PIEZO2: variants seen among roughly 807,000 people sequenced by gnomAD.
PIEZO2 encodes the protein piezo-type mechanosensitive ion channel component 2.
PIEZO2 carries 172 observed loss-of-function variants against 337.3 expected under a neutral mutation model. That is an observed-to-expected ratio of 0.51 (90% CI 0.45 to 0.58). PIEZO2 has a LOEUF of 0.58. Among genes scored for constraint, PIEZO2 ranks in the 20% least tolerant of loss-of-function variants. The pLI is 0.00. For synonymous variants in PIEZO2, 1,251 were observed against 1,228.5 expected (o/e 1.02, Z -0.38); for missense variants, 3,028 against 3,391.3 (o/e 0.89, Z 2.66).
chr18:10,961,353 G>A (rs1414377143), intron 3 of PIEZO2, among the ~76,000 whole-genome samples: 1 of 152,128 alleles, frequency 6.6e-6, no homozygotes, highest in African/African-American at 2.4e-5. Flanking sequence ...ATATGTGGGA[G>A]TTAAGCTGTG....
intron 1 of PIEZO2, among the ~76,000 whole-genome samples, chr18:11,115,398 G>C (rs947038656): frequency 3.3e-5 from 5 of 152,112 alleles, no homozygotes; most frequent in Non-Finnish European, 7.4e-5. Context: ...ATTCTTCTGA[G>C]GTCATGAAGG....
chr18:11,118,054 C>T (rs1199491408), intron 1 of PIEZO2, among the ~76,000 whole-genome samples: 2 of 152,168 alleles, frequency 1.3e-5, no homozygotes, highest in African/African-American at 4.8e-5. Context: ...ATGTTTCCTT[C>T]AATCCCCATA....
intron 1 of PIEZO2, among the ~76,000 whole-genome samples, chr18:11,137,862 G>T (rs1294229743): frequency 3.9e-5 from 6 of 152,224 alleles, no homozygotes; most frequent in African/African-American, 4.8e-5. Flanking sequence ...GATTTGTGTG[G>T]TTCCAGGAGA....
chr18:10,777,201 A>C (rs1046545187), intron 18 of PIEZO2, among the ~76,000 whole-genome samples: 1 of 152,156 alleles, frequency 6.6e-6, no homozygotes, highest in African/African-American at 2.4e-5. Flanking sequence ...CCTTGCTCTT[A>C]TTCAGGCTCT....
intron 2 of PIEZO2, among the ~76,000 whole-genome samples, chr18:11,018,205 G>A (rs1289767846): frequency 6.9e-6 from 1 of 145,236 alleles, no homozygotes; most frequent in African/African-American, 2.6e-5. Flanking sequence ...TGGTGGTGGT[G>A]GTGGTGGTGG....
intron 11 of PIEZO2, among the ~76,000 whole-genome samples, chr18:10,799,475 T>C (rs1290871681): frequency 1.3e-5 from 2 of 152,294 alleles, no homozygotes; most frequent in East Asian, 1.9e-4. Context: ...GCTTTTTAAA[T>C]GATGGCTATT....
intron 2 of PIEZO2, among the ~76,000 whole-genome samples, chr18:11,036,029 C>T (rs1188342916): frequency 6.6e-6 from 1 of 152,184 alleles, no homozygotes; most frequent in Middle Eastern, 3.2e-3. Flanking sequence ...CAAGCAAGGC[C>T]TCTGTCCCTC....
chr18:10,819,544 A>G lies in PIEZO2; in HGVS notation c.918-12270T>C, dbSNP rs2040461238. ...GCTGACTGCTCTATCAATGTCGAAC[A>G]TGTCACTTAACAAAAAATCCAAAGA... On this transcript the variant is annotated intron_variant, in intron 7 of 55. Transcript: ENST00000674853. The surrounding 1 kb of genome is among the most constrained non-coding windows in gnomAD (Gnocchi z 4.3). Among the ~76,000 whole-genome samples the G allele has an allele frequency of 1.3e-5, 2 of 152,218 alleles. No individual in the cohort carries two copies. Among genetic ancestry groups the G allele is most frequent in the Non-Finnish European group, 2.9e-5 (2 of 68,032 alleles).
chr18:11,011,854 G>T (rs530017774), intron 2 of PIEZO2, among the ~76,000 whole-genome samples: 1 of 152,140 alleles, frequency 6.6e-6, no homozygotes, highest in African/African-American at 2.4e-5. Flanking sequence ...AGTGGCTCAC[G>T]CCTCAAATTC....
At chr18:10,836,901 CATT>C (rs2041031934) in intron 7 of PIEZO2, among the ~76,000 whole-genome samples, 1 of 152,032 alleles carries the variant, frequency 6.6e-6, no homozygotes, top group African/African-American at 2.4e-5. Context: ...TTTTATGTTC[CATT>C]ATTAATATTT....
rs1483649509 is a variant in PIEZO2 at position 11,096,598 on chromosome 18, T to C, written c.65-30376A>G. 2.6e-5 allele frequency among the ~76,000 whole-genome samples: 4 copies of C among 152,180 alleles called. No homozygotes were observed. The highest frequency in any genetic ancestry group is 9.7e-5 in the African/African-American group (4 of 41,446). On this transcript the variant is annotated intron_variant, in intron 1 of 55. Transcript: ENST00000674853. The surrounding 1 kb of genome is among the most constrained non-coding windows in gnomAD (Gnocchi z 4.6). ...AAGAGAAACAGGAAGTGGTTGACCTTTAAATTTCTCAGATTTATGGCTTAT... is the reference window on the plus strand; with the variant it reads ...AAGAGAAACAGGAAGTGGTTGACCTCTAAATTTCTCAGATTTATGGCTTAT...
intron 16 of PIEZO2, among the ~76,000 whole-genome samples, chr18:10,786,725 A>C (rs548803292): frequency 1.5e-4 from 23 of 152,362 alleles, no homozygotes; most frequent in African/African-American, 5.5e-4. Flanking sequence ...GAACTTACTT[A>C]AGAACTGAAG....
chr18:10,925,661 G>A (rs1196621085), intron 3 of PIEZO2, among the ~76,000 whole-genome samples: 1 of 152,118 alleles, frequency 6.6e-6, no homozygotes, highest in African/African-American at 2.4e-5. Flanking sequence ...CTCACTGTAA[G>A]CTCTGCCTCC....
At chr18:10,921,829 C>T (rs923619319) in intron 3 of PIEZO2, among the ~76,000 whole-genome samples, 1 of 152,160 alleles carries the variant, frequency 6.6e-6, no homozygotes, top group Non-Finnish European at 1.5e-5. Flanking sequence ...GGTCTCTGAA[C>T]TGGCCCCCTT....
rs2865131 is a variant in PIEZO2, at chr18:10,763,220, T to C, written c.2947-122A>G. The C allele has an allele frequency of 1, 1,061,356 of 1,061,582 alleles. 530,565 individuals carry two copies. The highest frequency in any genetic ancestry group is 1 in the East Asian group (38,478 of 38,478). 65.8% of individuals were successfully genotyped at this position (1,061,582 alleles called of 1,614,324 possible). On this transcript the variant is annotated intron_variant, in intron 21 of 55. Transcript: ENST00000674853. ...GCAAAAGCAGACTGGATTCCTAGCATGCGCAAGGAATTGCCCTAGGTGCTG... is the reference window on the plus strand; with the variant it reads ...GCAAAAGCAGACTGGATTCCTAGCACGCGCAAGGAATTGCCCTAGGTGCTG...
rs572046280 is a variant in PIEZO2, at chr18:11,038,110, A to G, written c.160+28017T>C. On this transcript the variant is annotated intron_variant, in intron 2 of 55. Transcript: ENST00000674853. This position sits in a 1 kb window ranked among gnomAD's most constrained non-coding sequence, Gnocchi z 4.1. Reference sequence around the variant, plus strand: ...TTTTTCATTGGCTCAAAACATTGTAAAAGATACTCTGCACACTTTAAGAGA... The same window carrying G: ...TTTTTCATTGGCTCAAAACATTGTAGAAGATACTCTGCACACTTTAAGAGA... 6.6e-6 allele frequency among the ~76,000 whole-genome samples: 1 copy of G among 152,336 alleles called. No individual in the cohort carries two copies. Among genetic ancestry groups the G allele is most frequent in the South Asian group, 2.1e-4 (1 of 4,830 alleles).
At chr18:10,985,891 C>G (rs936870706) in intron 2 of PIEZO2, among the ~76,000 whole-genome samples, 1 of 151,776 alleles carries the variant, frequency 6.6e-6, no homozygotes, top group Non-Finnish European at 1.5e-5. Flanking sequence ...TCAATATTTA[C>G]TTTAAATGTA....
At position 10,780,346 on chromosome 18, in the gene PIEZO2, C is replaced by G. The variant is rs778369027; in HGVS notation, c.2513G>C (p.Arg838Pro). ...CCACCTATTTATTATTAGATATACGCGACCATTGACTTTGGCATGGCTACG... is the reference window on the plus strand; with the variant it reads ...CCACCTATTTATTATTAGATATACGGGACCATTGACTTTGGCATGGCTACG... ...TIYSHAKVNG[R>P]VYLIINSIKK... The change falls in exon 18 of 56, where the codon CGC becomes CCC. Residue 838 changes from arginine to proline, a missense_variant. By Grantham distance (103) the Arg-to-Pro change is moderately radical. Coordinates refer to ENST00000674853, the MANE Select transcript of PIEZO2 (RefSeq NM_001378183.1). 5.0e-5 allele frequency: 35 copies of G among 702,752 alleles called. 3 individuals are homozygous for G. In the South Asian group the frequency reaches 5.2e-4, roughly 10 times the overall value. 43.5% of individuals were successfully genotyped at this position (702,752 alleles called of 1,614,324 possible).
chr18:10,870,749 T>C lies in PIEZO2; in HGVS notation c.492+504A>G, dbSNP rs2042119680. Among the ~76,000 whole-genome samples the C allele has an allele frequency of 6.6e-6, 1 of 152,222 alleles. No homozygotes were observed. Among genetic ancestry groups the C allele is most frequent in the Non-Finnish European group, 1.5e-5 (1 of 68,042 alleles). On this transcript the variant is annotated intron_variant, in intron 5 of 55. Coordinates refer to ENST00000674853, the MANE Select transcript of PIEZO2 (RefSeq NM_001378183.1). The surrounding 1 kb of genome is among the most constrained non-coding windows in gnomAD (Gnocchi z 5.3). ...CACACTTTTCCAAATATGTATGTTT[T>C]TCCCCCTTGGAGTGCTTTAAAACAA...
Sources: gnomAD v4.1 joint callset for allele counts (sites outside exome capture counted in the v4.1 genomes callset) on GRCh38, gnomAD v4.1.1 for gene constraint, Gnocchi (gnomAD v3.1) non-coding constraint, MANE v1.5 for transcripts, NCBI Gene and HGNC (gene_info 2026-07-23, HGNC 2026-07-21) for gene names.